Variants in DDX52 observed in about 807,000 individuals in gnomAD.
The protein encoded by DDX52 is probable ATP-dependent RNA helicase DDX52.
In DDX52, 59 loss-of-function variants were observed where a neutral mutation model predicts 76.1. The observed-to-expected ratio is 0.78, with a 90% CI of 0.63 to 0.96. The LOEUF is 0.96. Among genes scored for constraint, DDX52 ranks in the 40% least tolerant of loss-of-function variants. DDX52 has a pLI of 0.00. For synonymous variants in DDX52, 231 were observed against 244.1 expected (o/e 0.95, Z 0.50); for missense variants, 707 against 703.9 (o/e 1.00, Z -0.05).
At chr17:37,638,873 G>A (rs779262933) in intron 2 of DDX52, among the ~76,000 whole-genome samples, 4 of 150,640 alleles carry the variant, frequency 2.7e-5, no homozygotes, top group African/African-American at 9.8e-5. Flanking sequence ...GGGTTCAAGC[G>A]ATTTTCCTGC....
rs1463431045 is a variant in DDX52 at position 37,635,400 on chromosome 17, A to G, written c.287-1982T>C. Among the ~76,000 whole-genome samples the G allele has an allele frequency of 3.9e-5, 6 of 152,204 alleles. No homozygotes were observed. The South Asian group carries it at 8.3e-4, about 21-fold the overall frequency. ...TCACTCCATGCATAGGCAACCACCA[A>G]TCTAATTTCTGCCACTATAGACTAG... On this transcript the variant is annotated intron_variant, in intron 2 of 14. Coordinates refer to ENST00000617633, the MANE Select transcript of DDX52 (RefSeq NM_007010.5).
chr17:37,632,308 G>C lies in DDX52; in HGVS notation c.418-10C>G. On this transcript the variant is annotated splice_polypyrimidine_tract_variant and intron_variant, in intron 3 of 14. Transcript: ENST00000617633. ...TCCGCAAGAAGTTTATCTGAAAAGT[G>C]AAGTAAAGAGGCCACCATGGATATG... 1 of 1,613,944 alleles carries C rather than the reference G, an allele frequency of 6.2e-7. No homozygotes were observed. The highest frequency in any genetic ancestry group is 8.5e-7 in the Non-Finnish European group (1 of 1,179,924).
At chr17:37,624,734 A>G (rs181226150) in intron 8 of DDX52, among the ~76,000 whole-genome samples, 219 of 152,220 alleles carry the variant, frequency 1.4e-3, no homozygotes, top group Admixed American at 3.1e-3. Flanking sequence ...ATTGAGTAAA[A>G]TAATAAAAAT....
Position 37,633,402 on chromosome 17 carries a change from T to A in DDX52, c.303A>T (p.Glu101Asp). The change falls in exon 3 of 15, where the codon GAA becomes GAT. Residue 101 changes from glutamate to aspartate, a missense_variant. Glu to Asp is a conservative substitution (Grantham distance 45). Transcript: ENST00000617633. ...ACATCCACTGTATAGTAGCACCTTC[T>A]TCTTGGGAAGCAATTTCTAAAATAT... is the stretch of plus-strand genomic sequence containing the variant. ...KTMTSEIASQ[E>D]EGATIQWMSS... 1.3e-6 allele frequency: 2 copies of A among 1,567,412 alleles called. No homozygotes were observed. Among genetic ancestry groups the A allele is most frequent in the Non-Finnish European group, 1.7e-6 (2 of 1,163,176 alleles).
At position 37,632,245 on chromosome 17, in the gene DDX52, A is replaced by G; in HGVS notation, c.471T>C (p.Pro157=). ...HKIHVQGTDL[P]DPIATFQQLD... Reference sequence around the variant, plus strand: ...GTTGCTGAAATGTAGCAATTGGGTCAGGAAGATCGGTTCCTTGGACGTGAA... The same window carrying G: ...GTTGCTGAAATGTAGCAATTGGGTCGGGAAGATCGGTTCCTTGGACGTGAA... Residue 157 remains proline (P), a synonymous_variant, in exon 4 of 15, where the codon CCT becomes CCC. Coordinates refer to ENST00000617633, the MANE Select transcript of DDX52 (RefSeq NM_007010.5). The G allele has an allele frequency of 3.1e-6, 5 of 1,614,126 alleles. No individual in the cohort carries two copies. Among genetic ancestry groups the G allele is most frequent in the Non-Finnish European group, 4.2e-6 (5 of 1,180,022 alleles).
rs1363126730 is a variant in DDX52, at chr17:37,610,431, T to G, written c.*3865A>C. Reference sequence around the variant, plus strand: ...GTGAGCCACATGCCTGGGCTGTGATTTTTTTTTTTCTTTTAATCAAACTAC... The same window carrying G: ...GTGAGCCACATGCCTGGGCTGTGATGTTTTTTTTTCTTTTAATCAAACTAC... On this transcript the variant is annotated 3_prime_UTR_variant, in exon 15 of 15. Transcript: ENST00000617633. 1 of 149,818 alleles carries G rather than the reference T, an allele frequency of 6.7e-6. No homozygotes were observed. Among genetic ancestry groups the G allele is most frequent in the Non-Finnish European group, 1.5e-5 (1 of 67,276 alleles). 9.3% of individuals were successfully genotyped at this position (149,818 alleles called of 1,614,324 possible).
At chr17:37,642,358 T>C (rs1210931644) in intron 1 of DDX52, 50 bp from the exon 2 acceptor site, 2 of 1,560,106 alleles carry the variant, frequency 1.3e-6, no homozygotes, top group Non-Finnish European at 8.7e-7. Context: ...ATACCATTGC[T>C]TTCATTCAAG....
intron 2 of DDX52, among the ~76,000 whole-genome samples, chr17:37,637,156 T>C (rs1332870733): frequency 6.6e-6 from 1 of 152,022 alleles, no homozygotes; most frequent in Admixed American, 6.6e-5. Context: ...TTTGGAGTCT[T>C]ACTGTGTCAC....
At position 37,610,756 on chromosome 17, in the gene DDX52, A is replaced by C. The variant is rs1316908805; in HGVS notation, c.*3540T>G. ...CTACAAGCAATGAGGATCAGGATTC[A>C]AATCCAGGCCAGTTTGACTCTAAAG... On this transcript the variant is annotated 3_prime_UTR_variant, in exon 15 of 15. Coordinates refer to ENST00000617633, the MANE Select transcript of DDX52 (RefSeq NM_007010.5). The C allele has an allele frequency of 6.6e-6, 1 of 152,232 alleles. No individual in the cohort carries two copies. The highest frequency in any genetic ancestry group is 1.9e-4 in the East Asian group (1 of 5,196). 9.4% of individuals were successfully genotyped at this position (152,232 alleles called of 1,614,324 possible).
intron 8 of DDX52, among the ~76,000 whole-genome samples, chr17:37,625,312 A>G (rs770967864): frequency 2.0e-4 from 30 of 152,152 alleles, no homozygotes; most frequent in Admixed American, 6.5e-5. Flanking sequence ...TCTTATAAAC[A>G]GGAATTTTAG....
intron 14 of DDX52, among the ~76,000 whole-genome samples, 186 bp from the exon 15 acceptor site, chr17:37,614,539 G>C (rs1309058895): frequency 6.6e-6 from 1 of 152,148 alleles, no homozygotes; most frequent in Non-Finnish European, 1.5e-5. Context: ...ACCTAAGTGA[G>C]GCAGAACCAT....
chr17:37,626,763 A>G, intron 7 of DDX52, 25 bp downstream of exon 7: 2 of 1,591,458 alleles, frequency 1.3e-6, no homozygotes, highest in Non-Finnish European at 1.7e-6. Context: ...AATACACACG[A>G]AAGACATGAA....
intron 1 of DDX52, 112 bp downstream of exon 1, chr17:37,643,222 C>A (rs1318143336): frequency 7.0e-6 from 8 of 1,140,574 alleles, no homozygotes; most frequent in Admixed American, 2.6e-5. Context: ...CCAAGGGTGG[C>A]GAGAGCCAGG....
In DDX52 at chr17:37,628,656, A is replaced by C. The variant is rs765382540; in HGVS notation, c.764T>G (p.Ile255Arg). ...GAATCCTGTTCCCTCAGAAATTTTTATTAACTCTCTGTGAATCTAAAAAAA... is the reference window on the plus strand; with the variant it reads ...GAATCCTGTTCCCTCAGAAATTTTTCTTAACTCTCTGTGAATCTAAAAAAA... The part of the protein sequence containing the change: ...ELASQIHREL[I>R]KISEGTGFRI... The change falls in exon 6 of 15, where the codon ATA becomes AGA. Residue 255 changes from isoleucine to arginine, a missense_variant. Physicochemically the swap from Ile to Arg is moderately conservative, Grantham distance 97. Transcript: ENST00000617633. 6.2e-7 allele frequency: 1 copy of C among 1,601,234 alleles called. No homozygotes were observed. The highest frequency in any genetic ancestry group is 1.1e-5 in the South Asian group (1 of 87,404).
chr17:37,635,336 A>G (rs756682824), intron 2 of DDX52, among the ~76,000 whole-genome samples: 7 of 152,180 alleles, frequency 4.6e-5, no homozygotes, highest in Admixed American at 6.5e-5. Context: ...GGTTATTTCT[A>G]TCACTTCTCC....
At chr17:37,636,145 T>C (rs1233915202) in intron 2 of DDX52, among the ~76,000 whole-genome samples, 2 of 152,200 alleles carry the variant, frequency 1.3e-5, no homozygotes, top group Non-Finnish European at 1.5e-5. Flanking sequence ...AAGAATTTTG[T>C]TGTTGTTGTG....
chr17:37,621,041 A>C, intron 11 of DDX52, 86 bp downstream of exon 11: 1 of 1,558,100 alleles, frequency 6.4e-7, no homozygotes, highest in Non-Finnish European at 8.6e-7. Flanking sequence ...CACAGCACTA[A>C]GAAGTGAGCA....
chr17:37,614,104 A>G lies in DDX52; in HGVS notation c.*192T>C, dbSNP rs143300381. ...ATGGCAAGACCCTCATCTCTACAGG[A>G]AAAAAAAAAGGCACCTACAAATTGA... is the stretch of plus-strand genomic sequence containing the variant. On this transcript the variant is annotated 3_prime_UTR_variant, in exon 15 of 15. Transcript: ENST00000617633. The G allele has an allele frequency of 3.7e-4, 133 of 357,314 alleles. No homozygotes were observed. The highest frequency in any genetic ancestry group is 2.7e-3 in the African/African-American group (124 of 45,712). The allele number at this position is 357,314 out of a possible 1,614,324, so 22.1% of individuals were successfully genotyped here.
intron 2 of DDX52, among the ~76,000 whole-genome samples, chr17:37,634,850 G>T (rs1175732159): frequency 6.1e-5 from 9 of 147,080 alleles, no homozygotes; most frequent in African/African-American, 2.0e-4. Flanking sequence ...GTCTTGCTCT[G>T]TCACCCAGGC....
Sources: gnomAD v4.1 joint callset for allele counts (sites outside exome capture counted in the v4.1 genomes callset) on GRCh38, gnomAD v4.1.1 for gene constraint, MANE v1.5 for transcripts, NCBI Gene and HGNC (gene_info 2026-07-23, HGNC 2026-07-21) for gene names.